The following LHFPL4 variants were observed in gnomAD, a reference collection of about 807,000 sequenced individuals.
LHFPL4 encodes the protein LHFPL tetraspan subfamily member 4 protein.
Under a neutral mutation model 20.0 loss-of-function variants are expected in LHFPL4, and 6 were observed. The ratio of observed to expected loss-of-function variants is 0.30; its 90% CI spans 0.16 to 0.59. The LOEUF (loss-of-function observed/expected upper bound fraction) is 0.59, where lower values mean the gene tolerates loss of function less well. LHFPL4 is among the 20% of genes least tolerant of loss of function. The pLI is 0.88. For missense variants in LHFPL4, 215 were observed against 331.2 expected (o/e 0.65, Z 2.72); for synonymous variants, 129 against 143.8 (o/e 0.90, Z 0.74).
Position 9,552,171 on chromosome 3 carries a change from CAG to C in LHFPL4, c.406+101_406+102del, listed in dbSNP as rs1304782350. 5 of 1,457,702 alleles carry C rather than the reference CAG, an allele frequency of 3.4e-6. No individual in the cohort carries two copies. The African/African-American group carries it at 7.1e-5, about 21-fold the overall frequency. 90.3% of individuals were successfully genotyped at this position (1,457,702 alleles called of 1,614,324 possible). ...AGCCAAAGAGGTGAGTGTCTTAACA[CAG>C]AGAAGCAGAATCTATCCGACTCCTT... is the stretch of plus-strand genomic sequence containing the variant. On this transcript the variant is annotated intron_variant, in intron 2 of 3. Coordinates refer to ENST00000287585, the MANE Select transcript of LHFPL4 (RefSeq NM_198560.3).
At chr3:9,509,340 T>C (rs867896708) in intron 2 of LHFPL4, among the ~76,000 whole-genome samples, 14 of 150,320 alleles carry the variant, frequency 9.3e-5, no homozygotes, top group African/African-American at 4.9e-5. Flanking sequence ...CTTTCAGCAC[T>C]TAACATTCAT....
chr3:9,518,215 G>GT (rs961255323), intron 2 of LHFPL4, among the ~76,000 whole-genome samples: 27 of 152,184 alleles, frequency 1.8e-4, no homozygotes, highest in Middle Eastern at 3.4e-3. Context: ...TACATTAATT[G>GT]TTTTTTAATG....
chr3:9,553,616 G>C (rs1456349758), intron 1 of LHFPL4, 69 bp downstream of exon 1: 2 of 151,322 alleles, frequency 1.3e-5, no homozygotes, highest in African/African-American at 2.4e-5. Context: ...TTGGGGGGGC[G>C]GCTGCCCCGC....
In LHFPL4 at chr3:9,499,900, C is replaced by T. The variant is rs946866690; in HGVS notation, c.*2311G>A. 2.0e-5 allele frequency: 3 copies of T among 152,454 alleles called. No individual in the cohort carries two copies. Among genetic ancestry groups the T allele is most frequent in the African/African-American group, 7.3e-5 (3 of 41,340 alleles). 9.4% of individuals were successfully genotyped at this position (152,454 alleles called of 1,614,324 possible). The stretch of plus-strand genomic sequence containing the variant: ...CTTCCTCTGCATCCCATTCTTGCCC[C>T]CAACCCACATCTCCATTTACCTCTT... On this transcript the variant is annotated 3_prime_UTR_variant, in exon 4 of 4. Coordinates refer to ENST00000287585, the MANE Select transcript of LHFPL4 (RefSeq NM_198560.3).
At chr3:9,523,957 A>G (rs1391471237) in intron 2 of LHFPL4, among the ~76,000 whole-genome samples, 2 of 151,520 alleles carry the variant, frequency 1.3e-5, no homozygotes, top group African/African-American at 4.9e-5. Context: ...ATAATTTCAG[A>G]GAGTACACAA....
intron 2 of LHFPL4, among the ~76,000 whole-genome samples, chr3:9,535,772 C>T (rs918550372): frequency 4.6e-5 from 7 of 151,642 alleles, no homozygotes; most frequent in Non-Finnish European, 1.0e-4. Context: ...CTTGCTTGCT[C>T]GCTTGCTTGC....
intron 2 of LHFPL4, among the ~76,000 whole-genome samples, chr3:9,521,601 C>T (rs770004809): frequency 3.2e-4 from 48 of 151,970 alleles, no homozygotes; most frequent in Admixed American, 1.8e-3. Context: ...GACAGGGTTT[C>T]GCCATGTTAG....
intron 2 of LHFPL4, among the ~76,000 whole-genome samples, chr3:9,528,234 G>C (rs530788401): frequency 6.6e-6 from 1 of 152,224 alleles, no homozygotes; most frequent in African/African-American, 2.4e-5. Flanking sequence ...TTCAACATTG[G>C]AATCAATCCT....
chr3:9,516,304 T>C (rs1409904898), intron 2 of LHFPL4, among the ~76,000 whole-genome samples: 1 of 152,150 alleles, frequency 6.6e-6, no homozygotes, highest in Non-Finnish European at 1.5e-5. Context: ...TGCATGTGGA[T>C]ATTCAGTTGT....
Position 9,552,324 on chromosome 3 carries a change from C to A in LHFPL4, c.356G>T (p.Cys119Phe), listed in dbSNP as rs1384356236. 1.2e-6 allele frequency: 2 copies of A among 1,613,636 alleles called. No individual in the cohort carries two copies. Among genetic ancestry groups the A allele is most frequent in the Non-Finnish European group, 1.7e-6 (2 of 1,179,806 alleles). ...CITCFSLFFF[C>F]NTATVYKICA... ...GATCTTGTAGACCGTAGCCGTGTTG[C>A]AGAAGAAGAAAAGCGAAAAGCAGGT... is the stretch of plus-strand genomic sequence containing the variant. Residue 119 changes from cysteine (C) to phenylalanine (F), a missense_variant, in exon 2 of 4, where the codon TGC becomes TTC. Coordinates refer to ENST00000287585, the MANE Select transcript of LHFPL4 (RefSeq NM_198560.3).
At chr3:9,519,096 C>T (rs938893616) in intron 2 of LHFPL4, among the ~76,000 whole-genome samples, 3 of 152,006 alleles carry the variant, frequency 2.0e-5, no homozygotes, top group South Asian at 2.1e-4. Context: ...TGCCACCATG[C>T]CCGTCTAATT....
intron 2 of LHFPL4, among the ~76,000 whole-genome samples, chr3:9,518,929 A>G (rs113439512): frequency 2.4e-4 from 23 of 95,496 alleles, no homozygotes; most frequent in East Asian, 1.0e-3. Flanking sequence ...ATTTTTGTTT[A>G]TTTATTTATT....
At chr3:9,530,797 A>G (rs191290513) in intron 2 of LHFPL4, among the ~76,000 whole-genome samples, 14 of 150,736 alleles carry the variant, frequency 9.3e-5, no homozygotes, top group East Asian at 3.9e-4. Flanking sequence ...GAGTCTTACT[A>G]TGTTGCCCAG....
In LHFPL4 at chr3:9,502,314, AAGAG is replaced by A. The variant is rs748612761; in HGVS notation, c.644-7_644-4del. On this transcript the variant is annotated splice_polypyrimidine_tract_variant and splice_region_variant and intron_variant, in intron 3 of 3. Coordinates refer to ENST00000287585, the MANE Select transcript of LHFPL4 (RefSeq NM_198560.3). ...GCTTACTGTAGAGCCCACAAAATCT[AAGAG>A]AGAGAGAGAGAGAGAGAAGGAGAGA... is the stretch of plus-strand genomic sequence containing the variant. 3.2e-4 allele frequency: 483 copies of A among 1,517,308 alleles called. 1 individual carries two copies. Among genetic ancestry groups the A allele is most frequent in the African/African-American group, 1.6e-3 (119 of 72,564 alleles). The allele number at this position is 1,517,308 out of a possible 1,614,324, so 94.0% of individuals were successfully genotyped here.
At chr3:9,509,061 C>T (rs1559514946) in intron 2 of LHFPL4, among the ~76,000 whole-genome samples, 1 of 152,204 alleles carries the variant, frequency 6.6e-6, no homozygotes, top group Non-Finnish European at 1.5e-5. Flanking sequence ...CCGGCGCTCC[C>T]AGCTGCGCAG....
intron 3 of LHFPL4, among the ~76,000 whole-genome samples, chr3:9,504,862 T>C (rs1387672863): frequency 6.6e-6 from 1 of 151,880 alleles, no homozygotes; most frequent in Non-Finnish European, 1.5e-5. Context: ...CATGTGTGTT[T>C]AAACAATACA....
At chr3:9,509,964 C>G (rs1283151371) in intron 2 of LHFPL4, among the ~76,000 whole-genome samples, 3 of 152,304 alleles carry the variant, frequency 2.0e-5, no homozygotes, top group African/African-American at 7.2e-5. Context: ...AATGGGCTGG[C>G]TGAAGACCCA....
chr3:9,535,913 TG>T (rs111830393), intron 2 of LHFPL4, among the ~76,000 whole-genome samples: 5 of 152,360 alleles, frequency 3.3e-5, no homozygotes, highest in Admixed American at 1.3e-4. Context: ...GCGATTCTCC[TG>T]CCTCAGCCTC....
chr3:9,539,986 T>C (rs2046467567), intron 2 of LHFPL4, among the ~76,000 whole-genome samples: 1 of 152,196 alleles, frequency 6.6e-6, no homozygotes, highest in Non-Finnish European at 1.5e-5. Context: ...ACAGGTACTA[T>C]CATACATCGC....
Sources: allele counts gnomAD v4.1 joint callset (sites outside exome capture counted in the v4.1 genomes callset), GRCh38; gene constraint gnomAD v4.1.1; transcripts MANE v1.5; gene names NCBI Gene and HGNC (gene_info 2026-07-23, HGNC 2026-07-21).